The following KDM4C variants were observed in gnomAD, a reference collection of about 807,000 sequenced individuals.
The protein encoded by KDM4C is lysine demethylase 4C, also known as lysine-specific demethylase 4C.
In KDM4C, 81 loss-of-function variants were observed where a neutral mutation model predicts 129.3. The ratio of observed to expected loss-of-function variants is 0.63; its 90% CI spans 0.52 to 0.75. The LOEUF (loss-of-function observed/expected upper bound fraction) is 0.75, where lower values mean the gene tolerates loss of function less well. KDM4C is among the 30% of genes least tolerant of loss of function. The probability of loss-of-function intolerance (pLI) is 0.00; values close to 1 mark genes in which losing one functional copy is unlikely to be tolerated. For missense variants in KDM4C, 1,457 were observed against 1,304.0 expected, an observed-to-expected ratio of 1.12 and a Z score of -1.81; for synonymous variants, 573 against 456.1, an observed-to-expected ratio of 1.26 and a Z score of -3.26.
chr9:7,142,488 A>G (rs964951696), intron 19 of KDM4C, among the ~76,000 whole-genome samples: 1 of 152,116 alleles, frequency 6.6e-6, no homozygotes, highest in African/African-American at 2.4e-5. Context: ...GTAGAGGCTG[A>G]TGCATCTGCT....
intron 5 of KDM4C, among the ~76,000 whole-genome samples, chr9:6,864,149 A>G (rs1345548938): frequency 1.3e-5 from 2 of 152,020 alleles, no homozygotes; most frequent in South Asian, 2.1e-4. Context: ...CCTGCTTCGT[A>G]TTGAAGAATT....
rs1491581614 is a variant in KDM4C at position 7,068,682 on chromosome 9, C to CTCTCTTTTTTTTTTTTTTTTTTTTTTT, written c.2424+19483_2424+19484insCTCTTTTTTTTTTTTTTTTTTTTTTTT. The stretch of plus-strand genomic sequence containing the variant: ...CTATTTCATACATGTTTATGATGCC[C>CTCTCTTTTTTTTTTTTTTTTTTTTTTT]TTTCTTTTTTTTTTTTTTTTTTTTT... On this transcript the variant is annotated intron_variant, in intron 17 of 21. Coordinates refer to ENST00000381309, the MANE Select transcript of KDM4C (RefSeq NM_015061.6). 9.0e-5 allele frequency among the ~76,000 whole-genome samples: 8 copies of CTCTCTTTTTTTTTTTTTTTTTTTTTTT among 88,534 alleles called. 4 individuals carry two copies. The highest frequency in any genetic ancestry group is 1.8e-4 in the African/African-American group (4 of 22,402). The allele number at this position is 88,534 out of a possible 152,430, so 58.1% of individuals were successfully genotyped here.
chr9:7,050,070 C>T (rs1339257958), intron 17 of KDM4C, among the ~76,000 whole-genome samples: 2 of 151,992 alleles, frequency 1.3e-5, no homozygotes, highest in Non-Finnish European at 2.9e-5. Flanking sequence ...CTCTTTTCCC[C>T]AATGGCGAGC....
chr9:6,904,554 G>T (rs1172045839), intron 8 of KDM4C, among the ~76,000 whole-genome samples: 1 of 152,076 alleles, frequency 6.6e-6, no homozygotes, highest in Admixed American at 6.5e-5. Context: ...GCAGATGGTA[G>T]GTGGGCTTGT....
At chr9:6,835,421 C>T (rs753075713) in intron 4 of KDM4C, 94 of 1,164,180 alleles carry the variant, frequency 8.1e-5, no homozygotes, top group Middle Eastern at 1.9e-4. Context: ...GCGCCCAGCA[C>T]GATGAAGATC....
chr9:7,060,457 A>G (rs74450690), intron 17 of KDM4C, among the ~76,000 whole-genome samples: 13 of 28,566 alleles, frequency 4.6e-4, no homozygotes, highest in African/African-American at 2.4e-3. Flanking sequence ...TATTGTTGTT[A>G]TTATTATTAT....
At chr9:6,900,570 G>A (rs1450518931) in intron 8 of KDM4C, among the ~76,000 whole-genome samples, 1 of 152,178 alleles carries the variant, frequency 6.6e-6, no homozygotes, top group Non-Finnish European at 1.5e-5. Context: ...AGGAGTTCAA[G>A]GTTACAGTGA....
chr9:6,798,814 G>A lies in KDM4C; in HGVS notation c.144+5682G>A, dbSNP rs375827392. On this transcript the variant is annotated intron_variant, in intron 2 of 21. Transcript: ENST00000381309. ...GGGCTCCTCACTTCCCCGTAGGGGC[G>A]GCCGGGCAGAGGCGCCCCTCACTTC... Among the ~76,000 whole-genome samples the A allele has an allele frequency of 1.1e-3, 171 of 152,024 alleles. 2 individuals are homozygous for A. The East Asian group carries it at 0.024, about 21-fold the overall frequency.
chr9:6,740,468 G>A (rs1248266111), intron 1 of KDM4C, among the ~76,000 whole-genome samples: 1 of 152,060 alleles, frequency 6.6e-6, no homozygotes, highest in Non-Finnish European at 1.5e-5. Context: ...CTCCCAAAGT[G>A]CTGGGATTAC....
At chr9:6,765,090 C>G (rs972361724) in intron 1 of KDM4C, among the ~76,000 whole-genome samples, 1 of 152,184 alleles carries the variant, frequency 6.6e-6, no homozygotes, top group African/African-American at 2.4e-5. Context: ...CCCATCCTCC[C>G]TCCAATCTCT....
At chr9:7,132,890 A>G (rs1840798563) in intron 19 of KDM4C, among the ~76,000 whole-genome samples, 1 of 152,224 alleles carries the variant, frequency 6.6e-6, no homozygotes, top group African/African-American at 2.4e-5. Flanking sequence ...AGGACCATTT[A>G]GAAATTTGAT....
intron 12 of KDM4C, among the ~76,000 whole-genome samples, chr9:7,004,961 C>A (rs1034559898): frequency 1.2e-4 from 19 of 152,200 alleles, no homozygotes; most frequent in Middle Eastern, 3.2e-3. Flanking sequence ...GCCAGTTCTA[C>A]TGAGTGTCCG....
At chr9:6,804,572 A>G (rs1253607364) in intron 2 of KDM4C, among the ~76,000 whole-genome samples, 3 of 151,916 alleles carry the variant, frequency 2.0e-5, no homozygotes, top group Non-Finnish European at 1.5e-5. Context: ...ATCCTGGCCA[A>G]GATGGTGAAA....
chr9:6,963,654 A>T (rs1830395283), intron 8 of KDM4C, among the ~76,000 whole-genome samples: 1 of 152,186 alleles, frequency 6.6e-6, no homozygotes, highest in Admixed American at 6.5e-5. Flanking sequence ...GTTGATACTG[A>T]TGGTTTCATT....
chr9:6,841,034 T>C (rs1836824957), intron 4 of KDM4C, among the ~76,000 whole-genome samples: 1 of 152,242 alleles, frequency 6.6e-6, no homozygotes, highest in Non-Finnish European at 1.5e-5. Flanking sequence ...CTGTATATTC[T>C]TTTTGATGAC....
chr9:6,942,183 A>G (rs1265317903), intron 8 of KDM4C, among the ~76,000 whole-genome samples: 1 of 151,886 alleles, frequency 6.6e-6, no homozygotes, highest in African/African-American at 2.4e-5. Context: ...GTTTCTTGTA[A>G]TTTATTAAAC....
At chr9:6,909,657 G>A (rs556877015) in intron 8 of KDM4C, among the ~76,000 whole-genome samples, 3 of 152,114 alleles carry the variant, frequency 2.0e-5, no homozygotes, top group East Asian at 3.9e-4. Context: ...TTTTAACATG[G>A]CAGACTTTGT....
At chr9:6,862,127 T>A (rs922870639) in intron 5 of KDM4C, among the ~76,000 whole-genome samples, 1 of 152,182 alleles carries the variant, frequency 6.6e-6, no homozygotes, top group Non-Finnish European at 1.5e-5. Context: ...TCTAATATAA[T>A]TTTCTAATCA....
chr9:7,001,517 A>G (rs767929608), intron 12 of KDM4C, among the ~76,000 whole-genome samples: 2 of 152,226 alleles, frequency 1.3e-5, no homozygotes, highest in Non-Finnish European at 2.9e-5. Context: ...AATGAGAGGA[A>G]GAAGATGTAT....
Sources: gnomAD v4.1 joint callset for allele counts (sites outside exome capture counted in the v4.1 genomes callset) on GRCh38, gnomAD v4.1.1 for gene constraint, MANE v1.5 for transcripts, NCBI Gene and HGNC (gene_info 2026-07-23, HGNC 2026-07-21) for gene names.